The following TRPM1 variants were observed in gnomAD, a reference collection of about 807,000 sequenced individuals.
TRPM1 encodes transient receptor potential cation channel subfamily M member 1.
A neutral mutation model predicts 149.4 loss-of-function variants in TRPM1; 113 were observed. The observed-to-expected ratio is 0.76, with a 90% CI of 0.65 to 0.88. TRPM1 has a LOEUF of 0.88. TRPM1 is among the 40% of genes least tolerant of loss of function. The pLI, the probability that TRPM1 is intolerant of heterozygous loss-of-function variation, is 0.00. For synonymous variants in TRPM1, 741 were observed against 759.5 expected (o/e 0.98, Z 0.40); for missense variants, 1,976 against 2,038.7 (o/e 0.97, Z 0.59).
At chr15:31,128,514 C>A (rs574569687) in intron 1 of TRPM1, among the ~76,000 whole-genome samples, 1 of 152,334 alleles carries the variant, frequency 6.6e-6, no homozygotes, top group Non-Finnish European at 1.5e-5. Flanking sequence ...CACCCCCAAG[C>A]CTCGGGAGCT....
chr15:31,131,558 A>G (rs533366600), intron 1 of TRPM1, among the ~76,000 whole-genome samples: 1 of 152,352 alleles, frequency 6.6e-6, no homozygotes, highest in East Asian at 1.9e-4. Context: ...GGTGGAAGAC[A>G]TGGACAGCGA....
intron 1 of TRPM1, among the ~76,000 whole-genome samples, chr15:31,132,820 C>T (rs777792095): frequency 3.3e-5 from 5 of 152,158 alleles, no homozygotes; most frequent in African/African-American, 9.7e-5. Flanking sequence ...ATACATCTCA[C>T]GAGACCTGAT....
chr15:31,088,037 G>C (rs936707154), intron 1 of TRPM1, among the ~76,000 whole-genome samples: 1 of 152,190 alleles, frequency 6.6e-6, no homozygotes, highest in African/African-American at 2.4e-5. Flanking sequence ...AGCTATCTGC[G>C]CTTCACTCTA....
At chr15:31,056,166 G>A (rs752576273) in intron 11 of TRPM1, among the ~76,000 whole-genome samples, 4 of 152,228 alleles carry the variant, frequency 2.6e-5, no homozygotes, top group African/African-American at 4.8e-5. Context: ...GAAAATGGAC[G>A]GTCAGTCTGG....
intron 24 of TRPM1, 34 bp from the exon 25 acceptor site, chr15:31,028,510 T>C (rs775879101): frequency 1.7e-5 from 27 of 1,610,446 alleles, no homozygotes; most frequent in Non-Finnish European, 1.9e-5. Context: ...CTTTGCTTTT[T>C]ACATATAATG....
intron 10 of TRPM1, 45 bp downstream of exon 10, chr15:31,061,397 G>T (rs2034227439): frequency 6.3e-7 from 1 of 1,588,574 alleles, no homozygotes; most frequent in Admixed American, 1.7e-5. Flanking sequence ...TTGCCGGCTA[G>T]GCCAACATCA....
intron 1 of TRPM1, chr15:31,160,767 C>T (rs1031606839): frequency 4.5e-6 from 4 of 880,526 alleles, no homozygotes; most frequent in African/African-American, 3.3e-5. Flanking sequence ...CTCTGAACAC[C>T]CCATGCCCCA....
At chr15:31,120,267 C>T (rs1490454645) in intron 1 of TRPM1, among the ~76,000 whole-genome samples, 1 of 151,790 alleles carries the variant, frequency 6.6e-6, no homozygotes, top group Non-Finnish European at 1.5e-5. Flanking sequence ...TATATTAATT[C>T]CAGGTAAAGC....
intron 1 of TRPM1, among the ~76,000 whole-genome samples, chr15:31,091,174 C>T (rs1042185852): frequency 1.3e-5 from 2 of 152,080 alleles, no homozygotes; most frequent in Non-Finnish European, 2.9e-5. Flanking sequence ...AGCAGCAGGC[C>T]AGTGGGATGG....
chr15:31,049,571 G>A (rs565325974), intron 12 of TRPM1, 62 bp from the exon 13 acceptor site: 1 of 1,592,288 alleles, frequency 6.3e-7, no homozygotes, highest in Non-Finnish European at 8.6e-7. Context: ...GGAGGGGGGC[G>A]ACTGGAAACA....
At chr15:31,026,011 T>G in intron 27 of TRPM1, 128 bp downstream of exon 27, 4 of 1,395,672 alleles carry the variant, frequency 2.9e-6, no homozygotes, top group Non-Finnish European at 4.0e-6. Flanking sequence ...CGTTAAAACC[T>G]AAAGTTTAAA....
chr15:31,123,069 A>G (rs1567068115), intron 1 of TRPM1, among the ~76,000 whole-genome samples: 1 of 152,234 alleles, frequency 6.6e-6, no homozygotes, highest in African/African-American at 2.4e-5. Context: ...TTGACAAAGG[A>G]GCAAAGGCAA....
At chr15:31,138,922 A>G (rs1203555410) in intron 1 of TRPM1, among the ~76,000 whole-genome samples, 2 of 152,094 alleles carry the variant, frequency 1.3e-5, no homozygotes, top group African/African-American at 2.4e-5. Flanking sequence ...TGAAGTTTAC[A>G]TTTAAAAAAA....
intron 12 of TRPM1, among the ~76,000 whole-genome samples, 157 bp from the exon 13 acceptor site, chr15:31,049,666 A>G (rs2033890791): frequency 6.6e-6 from 1 of 152,090 alleles, no homozygotes; most frequent in Admixed American, 6.6e-5. Context: ...AACACTCCCC[A>G]TCTCCCCTCT....
chr15:31,083,671 C>T (rs112314411), intron 1 of TRPM1, among the ~76,000 whole-genome samples: 315 of 152,294 alleles, frequency 2.1e-3, no homozygotes, highest in South Asian at 3.7e-3. Flanking sequence ...CCCACCCCCT[C>T]GCTCCACTGC....
intron 2 of TRPM1, among the ~76,000 whole-genome samples, chr15:31,080,650 A>C (rs1596048882): frequency 2.1e-3 from 47 of 22,178 alleles, no homozygotes; most frequent in South Asian, 3.5e-3. Context: ...ATCGTCCTCG[A>C]CCCCGCCCCC....
At chr15:31,005,103 A>AT (rs1383909865) in intron 27 of TRPM1, among the ~76,000 whole-genome samples, 7 of 142,654 alleles carry the variant, frequency 4.9e-5, no homozygotes, top group Admixed American at 2.8e-4. Context: ...CTCCATCTCA[A>AT]AAAATAAATA....
At chr15:31,039,766 T>C (rs1390392552) in intron 18 of TRPM1, among the ~76,000 whole-genome samples, 1 of 152,140 alleles carries the variant, frequency 6.6e-6, no homozygotes, top group African/African-American at 2.4e-5. Context: ...TAATGGTGGG[T>C]AGACGACCCA....
In TRPM1 at chr15:31,026,167, C is replaced by A; in HGVS notation, c.3601G>T (p.Asp1201Tyr). ...EKEDEQQSSS[D>Y]ERIRVTSERV... ...TCAGAAGTGACCCGGATGCGCTCGTCGCTGGACGACTGCTGCTCATCCTCC... is the reference window on the plus strand; with the variant it reads ...TCAGAAGTGACCCGGATGCGCTCGTAGCTGGACGACTGCTGCTCATCCTCC... The change falls in exon 27 of 28, where the codon GAC becomes TAC. Residue 1201 changes from aspartate to tyrosine, a missense_variant. Transcript: ENST00000256552. 1 of 1,612,170 alleles carries A rather than the reference C, an allele frequency of 6.2e-7. No homozygotes were observed.
Sources: gnomAD v4.1 joint callset for allele counts (sites outside exome capture counted in the v4.1 genomes callset) on GRCh38, gnomAD v4.1.1 for gene constraint, MANE v1.5 for transcripts, NCBI Gene and HGNC (gene_info 2026-07-23, HGNC 2026-07-21) for gene names.